Variants in ALK observed in about 807,000 individuals in gnomAD.
ALK encodes the protein ALK tyrosine kinase receptor.
A neutral mutation model predicts 163.1 loss-of-function variants in ALK; 74 were observed. The ratio of observed to expected loss-of-function variants is 0.45; its 90% CI spans 0.38 to 0.55. ALK has a LOEUF of 0.55. Ranked by LOEUF, ALK falls within the 20% of genes least tolerant of loss-of-function variation. The pLI, the probability that ALK is intolerant of heterozygous loss-of-function variation, is 0.00. For missense variants in ALK, 2,063 were observed against 2,105.3 expected, an observed-to-expected ratio of 0.98 and a Z score of 0.39; for synonymous variants, 960 against 843.2, an observed-to-expected ratio of 1.14 and a Z score of -2.40.
At chr2:29,632,163 T>G (rs4552149) in intron 3 of ALK, among the ~76,000 whole-genome samples, 97,100 of 152,094 alleles carry the variant, frequency 0.64, 31,941 homozygotes, top group Middle Eastern at 0.75. Flanking sequence ...GCCTACGTGC[T>G]GTCTGGTGCA....
At position 29,920,192 on chromosome 2, in the gene ALK, C is replaced by G. The variant is rs776407160; in HGVS notation, c.468G>C (p.Gly156=). 3.1e-6 allele frequency: 5 copies of G among 1,613,424 alleles called. 1 individual carries two copies. Among genetic ancestry groups the G allele is most frequent in the Admixed American group, 3.3e-5 (2 of 60,022 alleles). The change falls in exon 1 of 29, where the codon GGG becomes GGC. Residue 156 remains glycine (G), a synonymous_variant. Coordinates refer to ENST00000389048, the MANE Select transcript of ALK (RefSeq NM_004304.5). ...GEEAILEGCV[G]PPGEAAVGLL... ...GCCCCACAGCCGCCTCCCCGGGGGG[C>G]CCGACGCAACCCTCCAAGATCGCCT...
At chr2:29,542,153 A>T (rs1673429212) in intron 3 of ALK, among the ~76,000 whole-genome samples, 1 of 152,154 alleles carries the variant, frequency 6.6e-6, no homozygotes, top group South Asian at 2.1e-4. Context: ...GAACCTTCAG[A>T]GGGAGGGCAA....
At chr2:29,913,583 C>T (rs546856636) in intron 1 of ALK, among the ~76,000 whole-genome samples, 75 of 152,308 alleles carry the variant, frequency 4.9e-4, no homozygotes, top group Non-Finnish European at 8.5e-4. Flanking sequence ...CTCACCCACA[C>T]GCCTTATTTT....
At chr2:29,680,620 T>G (rs1217210248) in intron 3 of ALK, among the ~76,000 whole-genome samples, 1 of 152,222 alleles carries the variant, frequency 6.6e-6, no homozygotes, top group African/African-American at 2.4e-5. Flanking sequence ...TTCTTTAAAC[T>G]TTTTTGTTGT....
intron 4 of ALK, among the ~76,000 whole-genome samples, chr2:29,413,371 G>C (rs1396504857): frequency 2.6e-5 from 4 of 151,458 alleles, no homozygotes; most frequent in African/African-American, 9.7e-5. Context: ...TTTTGAGATG[G>C]AGCCTCACTC....
intron 1 of ALK, among the ~76,000 whole-genome samples, chr2:29,913,853 T>TG (rs1262332711): frequency 6.6e-6 from 1 of 151,874 alleles, no homozygotes; most frequent in Non-Finnish European, 1.5e-5. Context: ...TATTCTCCAC[T>TG]TGGCAATGAA....
Position 29,192,877 on chromosome 2 carries a change from C to T in ALK, c.*347G>A. 2.4e-6 allele frequency: 1 copy of T among 412,270 alleles called. No individual in the cohort carries two copies. Among genetic ancestry groups the T allele is most frequent in the Non-Finnish European group, 4.5e-6 (1 of 221,810 alleles). The allele number at this position is 412,270 out of a possible 1,614,324, so 25.5% of individuals were successfully genotyped here. On this transcript the variant is annotated 3_prime_UTR_variant, in exon 29 of 29. Coordinates refer to ENST00000389048, the MANE Select transcript of ALK (RefSeq NM_004304.5). ...AACATCTATGACCCCAACTATGAAA[C>T]ATAGAAGCAGCTAATTCTGACTACA...
intron 9 of ALK, among the ~76,000 whole-genome samples, chr2:29,282,554 T>C (rs1036755871): frequency 2.6e-5 from 4 of 152,134 alleles, no homozygotes; most frequent in Non-Finnish European, 5.9e-5. Context: ...GTTGGGAACA[T>C]ACCCCTCCTG....
At chr2:29,663,914 C>A (rs1456133526) in intron 3 of ALK, among the ~76,000 whole-genome samples, 1 of 152,090 alleles carries the variant, frequency 6.6e-6, no homozygotes, top group Non-Finnish European at 1.5e-5. Context: ...CATGATGAAA[C>A]CACCCTGAAG....
chr2:29,576,695 G>A (rs2148194571), intron 3 of ALK, among the ~76,000 whole-genome samples: 1 of 152,276 alleles, frequency 6.6e-6, no homozygotes, highest in South Asian at 2.1e-4. Flanking sequence ...TTTACAGCCA[G>A]TCCCCATTGC....
intron 3 of ALK, among the ~76,000 whole-genome samples, chr2:29,671,332 C>A (rs865927779): frequency 2.0e-5 from 3 of 152,044 alleles, no homozygotes; most frequent in African/African-American, 2.4e-5. Flanking sequence ...GCCCAGGGAA[C>A]CTGTGAAATG....
intron 1 of ALK, among the ~76,000 whole-genome samples, chr2:29,852,462 T>C (rs758986276): frequency 9.9e-5 from 15 of 152,252 alleles, no homozygotes; most frequent in African/African-American, 3.1e-4. Context: ...GACTATACTT[T>C]CAAAGGTGTG....
At position 29,227,267 on chromosome 2, in the gene ALK, G is replaced by C. The variant is rs1384672573; in HGVS notation, c.2915-193C>G. Among the ~76,000 whole-genome samples, 3 of 152,240 alleles carry C rather than the reference G, an allele frequency of 2.0e-5. No homozygotes were observed. The highest frequency in any genetic ancestry group is 7.2e-5 in the African/African-American group (3 of 41,458). On this transcript the variant is annotated intron_variant, in intron 17 of 28. Coordinates refer to ENST00000389048, the MANE Select transcript of ALK (RefSeq NM_004304.5). This position sits in a 1 kb window ranked among gnomAD's most constrained non-coding sequence, Gnocchi z 4.4. ...AGAGTGCAGCGGAGGCAGCGGGCAT[G>C]GGTGTCTATGGATGTTTGCTTTTGA...
intron 3 of ALK, among the ~76,000 whole-genome samples, chr2:29,626,420 G>A (rs2148233404): frequency 6.6e-6 from 1 of 152,264 alleles, no homozygotes; most frequent in South Asian, 2.1e-4. Flanking sequence ...CTTGCCTGCT[G>A]CCATGTAAGA....
intron 2 of ALK, among the ~76,000 whole-genome samples, chr2:29,710,351 A>G (rs1486243752): frequency 6.6e-6 from 1 of 152,136 alleles, no homozygotes; most frequent in Admixed American, 6.5e-5. Flanking sequence ...ACAGGTGACT[A>G]TACCATCTCC....
intron 1 of ALK, among the ~76,000 whole-genome samples, chr2:29,885,608 G>C (rs6712729): frequency 0.77 from 116,379 of 151,192 alleles, 44,903 homozygotes; most frequent in East Asian, 0.79. Flanking sequence ...AGATATGGGT[G>C]TTGGAGAAGT....
intron 12 of ALK, among the ~76,000 whole-genome samples, chr2:29,241,185 C>A (rs1664514120): frequency 2.0e-5 from 3 of 152,116 alleles, no homozygotes; most frequent in Admixed American, 6.5e-5. Flanking sequence ...TAGCTCCAGG[C>A]TCTTCAAGAG....
chr2:29,708,038 T>G (rs950511759), intron 2 of ALK, among the ~76,000 whole-genome samples: 6 of 152,182 alleles, frequency 3.9e-5, no homozygotes, highest in Admixed American at 3.9e-4. Context: ...GAAGACCTTT[T>G]GTTGGGATGT....
chr2:29,617,163 T>C (rs774129800), intron 3 of ALK, among the ~76,000 whole-genome samples: 3 of 152,200 alleles, frequency 2.0e-5, no homozygotes, highest in Non-Finnish European at 4.4e-5. Context: ...CTCTCCTTTC[T>C]ACTATTTAGC....
Sources: allele counts gnomAD v4.1 joint callset (sites outside exome capture counted in the v4.1 genomes callset), GRCh38; gene constraint gnomAD v4.1.1; non-coding constraint Gnocchi (gnomAD v3.1); transcripts MANE v1.5; gene names NCBI Gene and HGNC (gene_info 2026-07-23, HGNC 2026-07-21).